PCDH9: variants seen among roughly 807,000 people sequenced by gnomAD.
PCDH9 encodes protocadherin-9.
A neutral mutation model predicts 70.6 loss-of-function variants in PCDH9; 24 were observed. That is an observed-to-expected ratio of 0.34 (90% CI 0.25 to 0.48). The LOEUF is 0.48. PCDH9 is among the 20% of genes least tolerant of loss of function. PCDH9 has a pLI of 0.99. For synonymous variants in PCDH9, 562 were observed against 558.5 expected, an observed-to-expected ratio of 1.01 and a Z score of -0.09; for missense variants, 1,281 against 1,503.6, an observed-to-expected ratio of 0.85 and a Z score of 2.45.
intron 2 of PCDH9, chr13:67,213,220 A>G (rs2089510163): frequency 1.8e-5 from 2 of 109,126 alleles, no homozygotes; most frequent in Non-Finnish European, 2.1e-5. Context: ...AAAAAAAAAA[A>G]AAAAAAAAAA....
intron 4 of PCDH9, among the ~76,000 whole-genome samples, chr13:66,566,773 C>T (rs1391740937): frequency 6.6e-6 from 1 of 151,800 alleles, no homozygotes; most frequent in African/African-American, 2.4e-5. Context: ...ATAACTTTAA[C>T]ATCTAGTTAT....
intron 2 of PCDH9, among the ~76,000 whole-genome samples, chr13:67,095,538 T>TTA (rs1262317821): frequency 1.3e-5 from 2 of 152,264 alleles, no homozygotes; most frequent in East Asian, 3.9e-4. Flanking sequence ...TTGACAGGTA[T>TTA]GAAAATATCT....
At chr13:66,451,848 T>C (rs550143289) in intron 4 of PCDH9, among the ~76,000 whole-genome samples, 1 of 152,360 alleles carries the variant, frequency 6.6e-6, no homozygotes, top group South Asian at 2.1e-4. Context: ...CTAGACTGTT[T>C]AGCAACTTAG....
chr13:66,777,610 T>C (rs9634934), intron 3 of PCDH9, among the ~76,000 whole-genome samples: 40,074 of 151,670 alleles, frequency 0.26, 5,792 homozygotes, highest in East Asian at 0.43. Flanking sequence ...AGAATGGCAA[T>C]CATTAAAAAG....
At chr13:66,478,857 T>C (rs544561594) in intron 4 of PCDH9, among the ~76,000 whole-genome samples, 1 of 152,350 alleles carries the variant, frequency 6.6e-6, no homozygotes, top group African/African-American at 2.4e-5. Context: ...ATAGCTAAGA[T>C]AATTGATGAC....
At chr13:66,460,634 C>T (rs147319533) in intron 4 of PCDH9, among the ~76,000 whole-genome samples, 89 of 151,960 alleles carry the variant, frequency 5.9e-4, no homozygotes, top group African/African-American at 2.1e-3. Flanking sequence ...GAATTTAAAG[C>T]GTCTTCCTGT....
chr13:67,136,592 T>C (rs912291016), intron 2 of PCDH9, among the ~76,000 whole-genome samples: 6 of 152,160 alleles, frequency 3.9e-5, no homozygotes, highest in African/African-American at 1.4e-4. Context: ...TCACTGGAAA[T>C]ATAGGCTAGC....
At chr13:66,677,536 T>TCACC (rs879385519) in intron 3 of PCDH9, among the ~76,000 whole-genome samples, 3 of 152,110 alleles carry the variant, frequency 2.0e-5, no homozygotes, top group Admixed American at 1.3e-4. Flanking sequence ...AAAGGATCCC[T>TCACC]CATGGCTTGG....
In PCDH9 at chr13:66,536,694, G is replaced by A. The variant is rs1374270912; in HGVS notation, c.3340+94516C>T. ...TAGATATAGCTTCTGAAAATTGGATGAATGGAATATTTTGAAAATGTATAT... is the reference window on the plus strand; with the variant it reads ...TAGATATAGCTTCTGAAAATTGGATAAATGGAATATTTTGAAAATGTATAT... On this transcript the variant is annotated intron_variant, in intron 4 of 4. Transcript: ENST00000377865. 7.9e-5 allele frequency among the ~76,000 whole-genome samples: 12 copies of A among 151,952 alleles called. 1 individual carries two copies. Among genetic ancestry groups the A allele is most frequent in the Admixed American group, 7.9e-4 (12 of 15,214 alleles).
At chr13:66,714,370 C>T (rs763295319) in intron 3 of PCDH9, among the ~76,000 whole-genome samples, 11 of 150,630 alleles carry the variant, frequency 7.3e-5, no homozygotes, top group Non-Finnish European at 1.3e-4. Context: ...GAGGCTGAGG[C>T]AGGAGAATGG....
chr13:66,882,211 A>G lies in PCDH9; in HGVS notation c.3138+21293T>C, dbSNP rs188239689. ...GGAGAAACTCTGGTTAACATTTTCA[A>G]AAACCTAAAAATATTCTACTGTTGG... On this transcript the variant is annotated intron_variant, in intron 3 of 4. Coordinates refer to ENST00000377865, the MANE Select transcript of PCDH9 (RefSeq NM_203487.3). 6.4e-3 allele frequency among the ~76,000 whole-genome samples: 974 copies of G among 152,316 alleles called. 13 individuals carry two copies. The highest frequency in any genetic ancestry group is 0.021 in the African/African-American group (859 of 41,566).
In PCDH9 at chr13:66,761,221, T is replaced by A. The variant is rs543110229; in HGVS notation, c.3139-129810A>T. The stretch of plus-strand genomic sequence containing the variant: ...GTGGGCATCACGGAACCTGCTGACA[T>A]GTGATGTCACCCCCGGAAACCCAGC... On this transcript the variant is annotated intron_variant, in intron 3 of 4. Transcript: ENST00000377865. Among the ~76,000 whole-genome samples the A allele has an allele frequency of 3.3e-5, 5 of 152,232 alleles. No individual in the cohort carries two copies. The East Asian group carries it at 9.7e-4, about 29-fold the overall frequency.
intron 3 of PCDH9, among the ~76,000 whole-genome samples, chr13:66,790,814 T>C (rs2080152319): frequency 6.6e-6 from 1 of 152,106 alleles, no homozygotes; most frequent in African/African-American, 2.4e-5. Context: ...TATGAAACTT[T>C]ATACAGGATT....
At chr13:66,714,387 C>T (rs1214410509) in intron 3 of PCDH9, among the ~76,000 whole-genome samples, 1 of 151,454 alleles carries the variant, frequency 6.6e-6, no homozygotes, top group East Asian at 1.9e-4. Context: ...ATGGAGTGAA[C>T]CGGGAGGTGG....
At chr13:66,518,047 G>T (rs969724061) in intron 4 of PCDH9, among the ~76,000 whole-genome samples, 1 of 151,982 alleles carries the variant, frequency 6.6e-6, no homozygotes, top group Non-Finnish European at 1.5e-5. Flanking sequence ...GGTTCAACTG[G>T]TTCACGGTTC....
intron 2 of PCDH9, among the ~76,000 whole-genome samples, chr13:67,146,547 G>GA (rs964670506): frequency 6.6e-6 from 1 of 152,142 alleles, no homozygotes; most frequent in African/African-American, 2.4e-5. Context: ...TTGTGTCAAT[G>GA]AAAATCTTGA....
chr13:66,491,433 C>CTGTGTG (rs1959032520), intron 4 of PCDH9, among the ~76,000 whole-genome samples: 1 of 67,488 alleles, frequency 1.5e-5, no homozygotes, highest in African/African-American at 5.1e-5. Context: ...GAGAGAGAGA[C>CTGTGTG]TGTGCTCAGT....
intron 4 of PCDH9, among the ~76,000 whole-genome samples, chr13:66,325,468 A>G (rs1955827340): frequency 6.6e-6 from 1 of 152,022 alleles, no homozygotes; most frequent in Non-Finnish European, 1.5e-5. Context: ...AAGGGCAGAG[A>G]TAACATTTGT....
intron 3 of PCDH9, among the ~76,000 whole-genome samples, chr13:66,665,156 G>T (rs2078078161): frequency 6.7e-6 from 1 of 150,132 alleles, no homozygotes; most frequent in East Asian, 2.0e-4. Context: ...GCCCAGGCTG[G>T]AGGGCAACAG....
Sources: gnomAD v4.1 joint callset for allele counts (sites outside exome capture counted in the v4.1 genomes callset) on GRCh38, gnomAD v4.1.1 for gene constraint, MANE v1.5 for transcripts, NCBI Gene and HGNC (gene_info 2026-07-23, HGNC 2026-07-21) for gene names.